Variants in FAM178B observed in about 807,000 individuals in gnomAD.
FAM178B encodes the protein protein FAM178B.
A neutral mutation model predicts 91.7 loss-of-function variants in FAM178B; 82 were observed. The ratio of observed to expected loss-of-function variants is 0.89; its 90% CI spans 0.75 to 1.07. FAM178B has a LOEUF of 1.07. Among genes scored for constraint, FAM178B ranks in the 50% least tolerant of loss-of-function variants. The probability of loss-of-function intolerance (pLI) is 0.00; values close to 1 mark genes in which losing one functional copy is unlikely to be tolerated. For missense variants in FAM178B, 769 were observed against 846.7 expected (o/e 0.91, Z 1.14); for synonymous variants, 368 against 359.4 (o/e 1.02, Z -0.27).
chr2:96,954,418 G>A (rs1574297481), intron 6 of FAM178B, among the ~76,000 whole-genome samples: 1 of 152,382 alleles, frequency 6.6e-6, no homozygotes, highest in East Asian at 1.9e-4. Flanking sequence ...CAGGAAATGG[G>A]GGCAGCTGGG....
At chr2:96,886,188 A>T (rs1488116049) in intron 14 of FAM178B, among the ~76,000 whole-genome samples, 1 of 150,040 alleles carries the variant, frequency 6.7e-6, no homozygotes, top group Non-Finnish European at 1.5e-5. Flanking sequence ...AGAGTGTCCC[A>T]GCCTCCTGTC....
intron 6 of FAM178B, among the ~76,000 whole-genome samples, chr2:96,958,362 G>A (rs1002916495): frequency 4.0e-5 from 6 of 151,882 alleles, no homozygotes; most frequent in African/African-American, 7.2e-5. Flanking sequence ...GAGCCACCAC[G>A]TCCGGCCTGA....
At chr2:96,876,472 G>A (rs531132434) in intron 16 of FAM178B, among the ~76,000 whole-genome samples, 164 bp from the exon 17 acceptor site, 4 of 152,296 alleles carry the variant, frequency 2.6e-5, no homozygotes, top group African/African-American at 4.8e-5. Context: ...AGGACACAGC[G>A]GTCATCAGGC....
intron 5 of FAM178B, among the ~76,000 whole-genome samples, chr2:96,963,642 G>C (rs2082110418): frequency 1.3e-5 from 2 of 152,216 alleles, no homozygotes; most frequent in African/African-American, 4.8e-5. Context: ...TCAGGAGGCA[G>C]GGGTCCTTCT....
Position 96,967,911 on chromosome 2 carries a change from C to CTTTTTTTTTTTTTTTTT in FAM178B, c.627-301_627-285dup, listed in dbSNP as rs60965536. On this transcript the variant is annotated intron_variant, in intron 4 of 16. Transcript: ENST00000490605. ...TCTTTACTTGTGTACCCTGTTTGGT[C>CTTTTTTTTTTTTTTTTT]TTTTTTTTTTTTTTTTTTTTTTTTT... Among the ~76,000 whole-genome samples, 105 of 62,442 alleles carry CTTTTTTTTTTTTTTTTT rather than the reference C, an allele frequency of 1.7e-3. 29 individuals are homozygous for CTTTTTTTTTTTTTTTTT. The highest frequency in any genetic ancestry group is 2.0e-3 in the Non-Finnish European group (66 of 33,238). 41.0% of individuals were successfully genotyped at this position (62,442 alleles called of 152,430 possible).
intron 12 of FAM178B, among the ~76,000 whole-genome samples, chr2:96,904,406 C>G (rs1035177223): frequency 2.6e-5 from 4 of 152,162 alleles, no homozygotes; most frequent in African/African-American, 9.7e-5. Context: ...GAGTCTCGTT[C>G]TGTCACCCAG....
chr2:96,985,295 T>C (rs1335998071), intron 1 of FAM178B, among the ~76,000 whole-genome samples: 2 of 152,204 alleles, frequency 1.3e-5, no homozygotes, highest in East Asian at 3.8e-4. Flanking sequence ...GGTTCAGGAC[T>C]GAAGTCGTCT....
At chr2:96,959,312 T>G (rs2082047670) in intron 6 of FAM178B, among the ~76,000 whole-genome samples, 1 of 151,366 alleles carries the variant, frequency 6.6e-6, no homozygotes, top group South Asian at 2.1e-4. Flanking sequence ...AAGTGAGTGA[T>G]GGGTGTGTGG....
intron 3 of FAM178B, among the ~76,000 whole-genome samples, chr2:96,971,418 G>A (rs188490939): frequency 6.6e-5 from 10 of 151,896 alleles, no homozygotes; most frequent in Non-Finnish European, 1.3e-4. Flanking sequence ...AACTGTTCTC[G>A]ATCCACAGCC....
intron 1 of FAM178B, among the ~76,000 whole-genome samples, chr2:96,979,302 C>CA (rs1483482187): frequency 8.5e-6 from 1 of 118,226 alleles, no homozygotes; most frequent in African/African-American, 3.3e-5. Context: ...TTTCCTGAGA[C>CA]AGAGTCGCAC....
At chr2:96,883,882 C>T (rs1319692918) in intron 14 of FAM178B, among the ~76,000 whole-genome samples, 2 of 152,110 alleles carry the variant, frequency 1.3e-5, no homozygotes, top group South Asian at 2.1e-4. Flanking sequence ...AGCCCAATCT[C>T]GAGAGCCTAG....
rs905674600 is a variant in FAM178B at position 96,877,707 on chromosome 2, T to G, written c.2007+183A>C. On this transcript the variant is annotated intron_variant, in intron 16 of 16. Transcript: ENST00000490605. ...ACCACGCCCAGCCTTTGGCACTGGA[T>G]TCTTGATAAGAATGATGAAGGCCCC... The G allele has an allele frequency of 8.0e-6, 5 of 623,638 alleles. No individual in the cohort carries two copies. In the Admixed American group the frequency reaches 1.5e-4, roughly 18 times the overall value. The allele number at this position is 623,638 out of a possible 1,614,324, so 38.6% of individuals were successfully genotyped here. A position where few individuals can be genotyped will look rare whatever the true frequency, so the allele number is the denominator to read the frequency against.
intron 12 of FAM178B, among the ~76,000 whole-genome samples, chr2:96,905,818 GTATATATATATATATATATATA>G (rs1226987241): frequency 1.8e-4 from 6 of 34,198 alleles, no homozygotes; most frequent in South Asian, 1.4e-3. Flanking sequence ...ATATATGTGT[GTATATATATATATATATATATA>G]TATATATATA....
In FAM178B at chr2:96,923,558, T is replaced by C; in HGVS notation, c.1219A>G (p.Asn407Asp). 1 of 1,551,674 alleles carries C rather than the reference T, an allele frequency of 6.4e-7. No individual in the cohort carries two copies. ...GGAGCGTCCTGCTCCTCATTCTCATTCAGGCCAGCCTCGCCTGGAAGCACC... is the reference window on the plus strand; with the variant it reads ...GGAGCGTCCTGCTCCTCATTCTCATCCAGGCCAGCCTCGCCTGGAAGCACC... ...GRVLPGEAGL[N>D]ENEEQDAPQE... The change falls in exon 10 of 17, where the codon AAT (asparagine) becomes GAT (aspartate). Residue 407 changes from asparagine to aspartate, a missense_variant. Physicochemically the swap from Asn to Asp is conservative, Grantham distance 23 (BLOSUM62 1). Transcript: ENST00000490605.
intron 9 of FAM178B, among the ~76,000 whole-genome samples, chr2:96,928,974 ACC>A (rs57641223): frequency 6.9e-5 from 10 of 144,244 alleles, no homozygotes; most frequent in African/African-American, 2.2e-4. Context: ...ACGTAGGGAG[ACC>A]CCCCCCCGCC....
intron 1 of FAM178B, among the ~76,000 whole-genome samples, chr2:96,976,299 T>C (rs1370355188): frequency 6.6e-6 from 1 of 150,890 alleles, no homozygotes; most frequent in Non-Finnish European, 1.5e-5. Context: ...TTCACCGTGT[T>C]AGCCAGGATG....
In FAM178B at chr2:96,875,892, A is replaced by G. The variant is rs1274004302; in HGVS notation, c.*384T>C. On this transcript the variant is annotated 3_prime_UTR_variant, in exon 17 of 17. Coordinates refer to ENST00000490605, the MANE Select transcript of FAM178B (RefSeq NM_001122646.3). ...AGTGTTCTAAACCACTGATGCTGAA[A>G]GAAGACTTTAATGTGCACAAAGAAA... is the stretch of plus-strand genomic sequence containing the variant. The G allele has an allele frequency of 4.1e-6, 1 of 245,372 alleles. No individual in the cohort carries two copies. Among genetic ancestry groups the G allele is most frequent in the Non-Finnish European group, 8.0e-6 (1 of 125,090 alleles). 15.2% of individuals were successfully genotyped at this position (245,372 alleles called of 1,614,324 possible).
At chr2:96,944,631 G>A (rs887412067) in intron 8 of FAM178B, among the ~76,000 whole-genome samples, 9 of 152,186 alleles carry the variant, frequency 5.9e-5, no homozygotes, top group Non-Finnish European at 1.0e-4. Flanking sequence ...TCTACTGAAC[G>A]TGTCACAGAA....
intron 16 of FAM178B, among the ~76,000 whole-genome samples, chr2:96,877,510 C>T (rs536513958): frequency 6.6e-6 from 1 of 151,766 alleles, no homozygotes; most frequent in East Asian, 1.9e-4. Flanking sequence ...TCAAGGGATT[C>T]TCCTGCCTCA....
Sources: gnomAD v4.1 joint callset for allele counts (sites outside exome capture counted in the v4.1 genomes callset) on GRCh38, gnomAD v4.1.1 for gene constraint, MANE v1.5 for transcripts, NCBI Gene and HGNC (gene_info 2026-07-23, HGNC 2026-07-21) for gene names.